Variants in ASB18 observed in about 807,000 individuals in gnomAD.
ASB18 encodes the protein ankyrin repeat and SOCS box protein 18.
A neutral mutation model predicts 33.4 loss-of-function variants in ASB18; 33 were observed. The ratio of observed to expected loss-of-function variants is 0.99; its 90% CI spans 0.75 to 1.32. The LOEUF (loss-of-function observed/expected upper bound fraction) is 1.32, where lower values mean the gene tolerates loss of function less well. Among genes scored for constraint, ASB18 ranks in the 40% most tolerant of loss-of-function variants. ASB18 has a pLI of 0.00. For synonymous variants in ASB18, 295 were observed against 307.6 expected, an observed-to-expected ratio of 0.96 and a Z score of 0.43; for missense variants, 694 against 655.5, an observed-to-expected ratio of 1.06 and a Z score of -0.64.
At position 236,222,204 on chromosome 2, in the gene ASB18, C is replaced by T. The variant is rs958580833; in HGVS notation, c.597-7338G>A. On this transcript the variant is annotated intron_variant, in intron 3 of 5. Transcript: ENST00000409749. The surrounding 1 kb of genome is among the most constrained non-coding windows in gnomAD (Gnocchi z 5.5). ...TTGGGGATCTTCCATCTACCCCTTT[C>T]TGTTCTGCATTTTCTTTTCTCTCCC... Among the ~76,000 whole-genome samples, 1 of 152,186 alleles carries T rather than the reference C, an allele frequency of 6.6e-6. No homozygotes were observed. The highest frequency in any genetic ancestry group is 1.5e-5 in the Non-Finnish European group (1 of 68,026).
intron 3 of ASB18, among the ~76,000 whole-genome samples, chr2:236,224,185 GTTTTTTTTTTTTTTTTT>G (rs1161648778): frequency 3.0e-5 from 2 of 66,806 alleles, no homozygotes; most frequent in South Asian, 1.3e-3. Context: ...GTGTTGTCAG[GTTTTTTTTTTTTTTTTT>G]TTTTTTTTTT....
At chr2:236,242,759 T>C (rs2106281104) in intron 1 of ASB18, among the ~76,000 whole-genome samples, 1 of 150,732 alleles carries the variant, frequency 6.6e-6, no homozygotes, top group East Asian at 2.1e-4. Flanking sequence ...AGCCACTGTG[T>C]CTGGCCAATC....
chr2:236,240,962 C>G (rs2060618500), intron 2 of ASB18, among the ~76,000 whole-genome samples: 1 of 152,148 alleles, frequency 6.6e-6, no homozygotes, highest in Non-Finnish European at 1.5e-5. Flanking sequence ...TCTTCAGCAC[C>G]CACCTCCCTG....
Position 236,241,206 on chromosome 2 carries a change from G to A in ASB18, c.328+74C>T, listed in dbSNP as rs1576408191. ...GTGCCACTGTGCCCAGTCTACACACGGGAGCCTTACACTCCCAGAGAGTAT... is the reference window on the plus strand; with the variant it reads ...GTGCCACTGTGCCCAGTCTACACACAGGAGCCTTACACTCCCAGAGAGTAT... On this transcript the variant is annotated intron_variant, in intron 2 of 5. Coordinates refer to ENST00000409749, the MANE Select transcript of ASB18 (RefSeq NM_212556.4). The surrounding 1 kb of genome is among the most constrained non-coding windows in gnomAD (Gnocchi z 4.2). The A allele has an allele frequency of 2.2e-5, 33 of 1,468,576 alleles. No homozygotes were observed. The East Asian group carries it at 4.3e-4, about 19-fold the overall frequency. The allele number at this position is 1,468,576 out of a possible 1,614,324, so 91.0% of individuals were successfully genotyped here. A position where few individuals can be genotyped will look rare whatever the true frequency, so the allele number is the denominator to read the frequency against.
chr2:236,201,173 A>G (rs2060399778), intron 4 of ASB18, among the ~76,000 whole-genome samples: 1 of 148,576 alleles, frequency 6.7e-6, no homozygotes, highest in Non-Finnish European at 1.5e-5. Flanking sequence ...CTTTTTTGAG[A>G]CAGGGTCTTG....
chr2:236,203,289 T>C lies in ASB18; in HGVS notation c.1102-6904A>G, dbSNP rs1402618199. 6.6e-6 allele frequency among the ~76,000 whole-genome samples: 1 copy of C among 152,104 alleles called. No individual in the cohort carries two copies. Among genetic ancestry groups the C allele is most frequent in the African/African-American group, 2.4e-5 (1 of 41,420 alleles). On this transcript the variant is annotated intron_variant, in intron 4 of 5. Transcript: ENST00000409749. This position sits in a 1 kb window ranked among gnomAD's most constrained non-coding sequence, Gnocchi z 6.0. ...AAGAAGTGACATCCAAGCCGAGACC[T>C]GGCTCTGGAGCAGGAGTTAGCAGGG...
In ASB18 at chr2:236,237,622, G is replaced by A; in HGVS notation, c.596+67C>T. 7.8e-7 allele frequency: 1 copy of A among 1,275,098 alleles called. No homozygotes were observed. Among genetic ancestry groups the A allele is most frequent in the Non-Finnish European group, 1.0e-6 (1 of 997,810 alleles). 79.0% of individuals were successfully genotyped at this position (1,275,098 alleles called of 1,614,324 possible). A position where few individuals can be genotyped will look rare whatever the true frequency, so the allele number is the denominator to read the frequency against. On this transcript the variant is annotated intron_variant, in intron 3 of 5. Coordinates refer to ENST00000409749, the MANE Select transcript of ASB18 (RefSeq NM_212556.4). This position sits in a 1 kb window ranked among gnomAD's most constrained non-coding sequence, Gnocchi z 6.2. ...AGGCGGAGGCGGGGTCGGCGGTCTCGTGGGGGGAGGCGGGCGTCTGGTCTC... is the reference window on the plus strand; with the variant it reads ...AGGCGGAGGCGGGGTCGGCGGTCTCATGGGGGGAGGCGGGCGTCTGGTCTC...
At chr2:236,243,978 G>A (rs1328932287) in intron 1 of ASB18, among the ~76,000 whole-genome samples, 3 of 151,946 alleles carry the variant, frequency 2.0e-5, no homozygotes, top group South Asian at 2.1e-4. Flanking sequence ...AGGTTCTTGC[G>A]ACCAAACCCA....
chr2:236,206,682 A>G (rs929901338), intron 4 of ASB18, among the ~76,000 whole-genome samples: 1 of 152,240 alleles, frequency 6.6e-6, no homozygotes, highest in South Asian at 2.1e-4. Flanking sequence ...GAGTCCAATC[A>G]GGCAAAGGAA....
intron 4 of ASB18, among the ~76,000 whole-genome samples, chr2:236,201,059 C>G (rs2060398628): frequency 6.6e-6 from 1 of 152,022 alleles, no homozygotes; most frequent in South Asian, 2.1e-4. Context: ...ATAAATTTCC[C>G]TTTGAACGTT....
At position 236,229,870 on chromosome 2, in the gene ASB18, A is replaced by G. The variant is rs1476821155; in HGVS notation, c.596+7819T>C. On this transcript the variant is annotated intron_variant, in intron 3 of 5. Transcript: ENST00000409749. The surrounding 1 kb of genome is among the most constrained non-coding windows in gnomAD (Gnocchi z 5.2). ...TAATAATAAAAAGAAACATAAAACTACATCAAAGCACCTCATAACCAAATT... is the reference window on the plus strand; with the variant it reads ...TAATAATAAAAAGAAACATAAAACTGCATCAAAGCACCTCATAACCAAATT... Among the ~76,000 whole-genome samples, 4 of 152,114 alleles carry G rather than the reference A, an allele frequency of 2.6e-5. No individual in the cohort carries two copies. The highest frequency in any genetic ancestry group is 6.6e-5 in the Admixed American group (1 of 15,248).
In ASB18 at chr2:236,214,088, CTTAA is replaced by C. The variant is rs958392133; in HGVS notation, c.1101+270_1101+273del. On this transcript the variant is annotated intron_variant, in intron 4 of 5. Transcript: ENST00000409749. This position sits in a 1 kb window ranked among gnomAD's most constrained non-coding sequence, Gnocchi z 6.5. Reference sequence around the variant, plus strand: ...AGGATGCATTCTTCACATGCAACCCCTTAATTGTCTCGTGGCTCTAACCAGAAGG... The same window carrying C: ...AGGATGCATTCTTCACATGCAACCCCTTGTCTCGTGGCTCTAACCAGAAGG... The C allele has an allele frequency of 3.4e-5, 16 of 472,958 alleles. No individual in the cohort carries two copies. The highest frequency in any genetic ancestry group is 2.7e-4 in the African/African-American group (13 of 48,350). 29.3% of individuals were successfully genotyped at this position (472,958 alleles called of 1,614,324 possible).
At chr2:236,227,301 A>T (rs1049342353) in intron 3 of ASB18, among the ~76,000 whole-genome samples, 1 of 152,222 alleles carries the variant, frequency 6.6e-6, no homozygotes, top group Non-Finnish European at 1.5e-5. Context: ...GGAAAGAAAC[A>T]TCAAGCCCCC....
Position 236,235,161 on chromosome 2 carries a change from A to C in ASB18, c.596+2528T>G, listed in dbSNP as rs116101060. Among the ~76,000 whole-genome samples the C allele has an allele frequency of 8.8e-3, 1,345 of 152,356 alleles. 8 individuals are homozygous for C. Among genetic ancestry groups the C allele is most frequent in the Admixed American group, 0.014 (219 of 15,304 alleles). On this transcript the variant is annotated intron_variant, in intron 3 of 5. Coordinates refer to ENST00000409749, the MANE Select transcript of ASB18 (RefSeq NM_212556.4). This position sits in a 1 kb window ranked among gnomAD's most constrained non-coding sequence, Gnocchi z 6.2. ...ACTGACACTTTACCAAAGAAGATAC[A>C]GTCATGTCCCTTATAACAATGGTTT...
At chr2:236,218,495 T>C (rs989312693) in intron 3 of ASB18, among the ~76,000 whole-genome samples, 1 of 152,136 alleles carries the variant, frequency 6.6e-6, no homozygotes, top group Non-Finnish European at 1.5e-5. Context: ...TATCTATGCG[T>C]ATATGAAGAA....
At position 236,194,472 on chromosome 2, in the gene ASB18, T is replaced by TA. The variant is rs2060361622; in HGVS notation, c.*399_*400insT. On this transcript the variant is annotated 3_prime_UTR_variant, in exon 6 of 6. Coordinates refer to ENST00000409749, the MANE Select transcript of ASB18 (RefSeq NM_212556.4). The surrounding 1 kb of genome is among the most constrained non-coding windows in gnomAD (Gnocchi z 4.5). ...CAGAAATATGCTGTAGGAACATCATTCTTGTTTATATCAATTAACCTTGGG... is the reference window on the plus strand; with the variant it reads ...CAGAAATATGCTGTAGGAACATCATTACTTGTTTATATCAATTAACCTTGGG... Among the ~76,000 whole-genome samples, 1 of 152,228 alleles carries TA rather than the reference T, an allele frequency of 6.6e-6. No homozygotes were observed. The highest frequency in any genetic ancestry group is 1.5e-5 in the Non-Finnish European group (1 of 68,046).
chr2:236,214,280 C>T lies in ASB18; in HGVS notation c.1101+82G>A, dbSNP rs2060472887. 1.4e-6 allele frequency: 2 copies of T among 1,419,182 alleles called. No homozygotes were observed. The highest frequency in any genetic ancestry group is 2.6e-5 in the East Asian group (1 of 37,912). 87.9% of individuals were successfully genotyped at this position (1,419,182 alleles called of 1,614,324 possible). ...CCTGGGCCATTACACTTTGAGAGCGCCGCATGCAACCCAGCTCCCAGGCCG... is the reference window on the plus strand; with the variant it reads ...CCTGGGCCATTACACTTTGAGAGCGTCGCATGCAACCCAGCTCCCAGGCCG... On this transcript the variant is annotated intron_variant, in intron 4 of 5. Coordinates refer to ENST00000409749, the MANE Select transcript of ASB18 (RefSeq NM_212556.4). The surrounding 1 kb of genome is among the most constrained non-coding windows in gnomAD (Gnocchi z 6.5).
At position 236,204,241 on chromosome 2, in the gene ASB18, G is replaced by A. The variant is rs529416165; in HGVS notation, c.1102-7856C>T. On this transcript the variant is annotated intron_variant, in intron 4 of 5. Transcript: ENST00000409749. The surrounding 1 kb of genome is among the most constrained non-coding windows in gnomAD (Gnocchi z 5.1). ...CTGCTCTTGGCCCAGGCTCTGCCTCGCCAGTGGTCCATGCTCTGCCTCACT... is the reference window on the plus strand; with the variant it reads ...CTGCTCTTGGCCCAGGCTCTGCCTCACCAGTGGTCCATGCTCTGCCTCACT... Among the ~76,000 whole-genome samples the A allele has an allele frequency of 2.2e-4, 34 of 152,200 alleles. 1 individual carries two copies. In the South Asian group the frequency reaches 2.3e-3, roughly 10 times the overall value.
At position 236,263,465 on chromosome 2, in the gene ASB18, G is replaced by A. The variant is rs1472049317; in HGVS notation, c.205+676C>T. 2.0e-5 allele frequency among the ~76,000 whole-genome samples: 3 copies of A among 152,198 alleles called. No individual in the cohort carries two copies. Among genetic ancestry groups the A allele is most frequent in the Non-Finnish European group, 4.4e-5 (3 of 68,046 alleles). ...ATTACCAGTGATGCTCCTTGGTGAGGTTGTGGTGAAACACATCACCTCACT... is the reference window on the plus strand; with the variant it reads ...ATTACCAGTGATGCTCCTTGGTGAGATTGTGGTGAAACACATCACCTCACT... On this transcript the variant is annotated intron_variant, in intron 1 of 5. Coordinates refer to ENST00000409749, the MANE Select transcript of ASB18 (RefSeq NM_212556.4). This position sits in a 1 kb window ranked among gnomAD's most constrained non-coding sequence, Gnocchi z 4.0.
Sources: gnomAD v4.1 joint callset for allele counts (sites outside exome capture counted in the v4.1 genomes callset) on GRCh38, gnomAD v4.1.1 for gene constraint, Gnocchi (gnomAD v3.1) non-coding constraint, MANE v1.5 for transcripts, NCBI Gene and HGNC (gene_info 2026-07-23, HGNC 2026-07-21) for gene names.